JAK1: variants seen among roughly 807,000 people sequenced by gnomAD.
The protein encoded by JAK1 is Janus kinase 1.
JAK1 carries 16 observed loss-of-function variants against 136.6 expected under a neutral mutation model. That is an observed-to-expected ratio of 0.12 (90% CI 0.08 to 0.18). The LOEUF is 0.18. Ranked by LOEUF, JAK1 falls within the 10% of genes least tolerant of loss-of-function variation. JAK1 has a pLI of 1.00. For missense variants in JAK1, 859 were observed against 1,450.1 expected (o/e 0.59, Z 6.62); for synonymous variants, 492 against 519.5 (o/e 0.95, Z 0.72).
rs200605352 is a variant in JAK1, at chr1:64,988,978, GTA to G, written c.-78+55500_-78+55501del. 1.4e-3 allele frequency among the ~76,000 whole-genome samples: 149 copies of G among 108,916 alleles called. 1 individual carries two copies. In the East Asian group the frequency reaches 0.014, roughly 10 times the overall value. 71.5% of individuals were successfully genotyped at this position (108,916 alleles called of 152,430 possible). A position where few individuals can be genotyped will look rare whatever the true frequency, so the allele number is the denominator to read the frequency against. ...TATATGTATGTATGTATATATATAT[GTA>G]TATGTGTGTGTGTGTGTGTGTGTAT... is the stretch of plus-strand genomic sequence containing the variant. On this transcript the variant is annotated intron_variant, in intron 2 of 25. Coordinates refer to the JAK1 transcript ENST00000671954.
At chr1:64,993,704 G>GGT (rs1292487154) in intron 2 of JAK1, 32 of 152,200 alleles carry the variant, frequency 2.1e-4, no homozygotes, top group African/African-American at 7.7e-4. Context: ...AAAGTACAGT[G>GGT]GTGTGATCTT....
chr1:64,906,096 A>G (rs58780636), intron 1 of JAK1, among the ~76,000 whole-genome samples: 2,204 of 152,292 alleles, frequency 0.014, 49 homozygotes, highest in African/African-American at 0.051. Flanking sequence ...GGAGTTCAAG[A>G]TCAGCCTGAC....
chr1:64,986,054 G>A, intron 2 of JAK1: 1 of 1,287,822 alleles, frequency 7.8e-7, no homozygotes, highest in Non-Finnish European at 1.1e-6. Flanking sequence ...CAATTGTGAT[G>A]GCGAAGATCA....
chr1:64,949,168 TTTGCATTA>T (rs1170754295), intron 1 of JAK1, among the ~76,000 whole-genome samples: 3 of 152,158 alleles, frequency 2.0e-5, no homozygotes, highest in African/African-American at 7.2e-5. Flanking sequence ...TGTGTTCAGA[TTTGCATTA>T]TAGAATTGTT....
intron 1 of JAK1, among the ~76,000 whole-genome samples, chr1:64,901,734 A>G (rs1645108112): frequency 6.6e-6 from 1 of 152,222 alleles, no homozygotes; most frequent in Admixed American, 6.5e-5. Context: ...GAGTGCAACC[A>G]TCATCACTAT....
chr1:64,975,853 G>A (rs1044727164), intron 2 of JAK1, among the ~76,000 whole-genome samples: 2 of 152,176 alleles, frequency 1.3e-5, no homozygotes, highest in African/African-American at 4.8e-5. Context: ...GGGCTGATGA[G>A]GATGGATTCC....
chr1:65,045,162 AGCT>A (rs1468133449), intron 1 of JAK1, among the ~76,000 whole-genome samples: 1 of 152,234 alleles, frequency 6.6e-6, no homozygotes, highest in Non-Finnish European at 1.5e-5. Context: ...TGGGTCATAC[AGCT>A]GGGGAGGAAG....
At chr1:64,837,794 A>C in intron 22 of JAK1, 138 bp downstream of exon 22, 2 of 617,202 alleles carry the variant, frequency 3.2e-6, no homozygotes, top group Non-Finnish European at 5.3e-6. Flanking sequence ...ATATCAATCA[A>C]TTCCAAATGT....
At chr1:64,873,257 C>A (rs529833109) in intron 5 of JAK1, 113 bp downstream of exon 5, 4 of 1,239,492 alleles carry the variant, frequency 3.2e-6, no homozygotes, top group Admixed American at 1.9e-5. Flanking sequence ...TTACCCAGAA[C>A]AGGCCTTAAA....
At position 65,038,128 on chromosome 1, in the gene JAK1, C is replaced by A. The variant is rs527506644; in HGVS notation, c.-78+6352G>T. Among the ~76,000 whole-genome samples, 74 of 152,136 alleles carry A rather than the reference C, an allele frequency of 4.9e-4. 2 individuals are homozygous for A. The highest frequency in any genetic ancestry group is 6.9e-3 in the Middle Eastern group (2 of 290). ...CAACCTGTGCAACAGGGCACTGTGTCCAGAAGGGCCCCAAGCTTGGTTTAA... is the reference window on the plus strand; with the variant it reads ...CAACCTGTGCAACAGGGCACTGTGTACAGAAGGGCCCCAAGCTTGGTTTAA... On this transcript the variant is annotated intron_variant, in intron 2 of 25. Transcript: ENST00000671954.
In JAK1 at chr1:64,931,741, A is replaced by T. The variant is rs1479943622; in HGVS notation, c.-78+34592T>A. Among the ~76,000 whole-genome samples, 3 of 152,160 alleles carry T rather than the reference A, an allele frequency of 2.0e-5. No individual in the cohort carries two copies. The East Asian group carries it at 5.8e-4, about 29-fold the overall frequency. On this transcript the variant is annotated intron_variant, in intron 1 of 24. Coordinates refer to ENST00000342505, the MANE Select transcript of JAK1 (RefSeq NM_002227.4). ...AATGGTAAATTGTTACAAAATTACA[A>T]ACTATCGGGAGGCACTCTGGTAAGG... is the stretch of plus-strand genomic sequence containing the variant.
At chr1:64,911,085 G>GA (rs11406658) in intron 1 of JAK1, among the ~76,000 whole-genome samples, 123,068 of 147,666 alleles carry the variant, frequency 0.83, 51,543 homozygotes, top group East Asian at 1. Context: ...ATTCAGGAGT[G>GA]AAAAAAAAAA....
intron 3 of JAK1, among the ~76,000 whole-genome samples, chr1:64,881,357 C>T (rs1025283819): frequency 1.4e-4 from 21 of 151,368 alleles, no homozygotes; most frequent in African/African-American, 4.6e-4. Flanking sequence ...ATCTTGCAGA[C>T]AAAGAATCTG....
intron 19 of JAK1, among the ~76,000 whole-genome samples, chr1:64,841,007 T>G (rs1654860913): frequency 6.6e-6 from 1 of 152,156 alleles, no homozygotes; most frequent in Non-Finnish European, 1.5e-5. Context: ...CAGAGTCCCG[T>G]GTGCATACAC....
intron 22 of JAK1, among the ~76,000 whole-genome samples, chr1:64,836,604 T>G (rs958885100): frequency 6.6e-6 from 1 of 152,094 alleles, no homozygotes; most frequent in Non-Finnish European, 1.5e-5. Flanking sequence ...CCAATCCTCT[T>G]CCAGCATTGC....
intron 1 of JAK1, among the ~76,000 whole-genome samples, chr1:65,058,210 T>C (rs1014604713): frequency 3.3e-5 from 5 of 152,148 alleles, no homozygotes; most frequent in Non-Finnish European, 7.3e-5. Flanking sequence ...GTTCCAAAGA[T>C]CTTAATATAT....
intron 1 of JAK1, among the ~76,000 whole-genome samples, chr1:64,925,168 G>A (rs541228339): frequency 2.0e-5 from 3 of 151,826 alleles, no homozygotes; most frequent in South Asian, 2.1e-4. Flanking sequence ...AGGCTGAGGC[G>A]GGCGGATCAC....
intron 2 of JAK1, among the ~76,000 whole-genome samples, chr1:65,014,981 G>C (rs992701236): frequency 2.0e-5 from 3 of 152,012 alleles, no homozygotes; most frequent in African/African-American, 7.2e-5. Context: ...CACCGCGCCC[G>C]GCCCATATTA....
At position 64,860,146 on chromosome 1, in the gene JAK1, C is replaced by G. The variant is rs2101072525; in HGVS notation, c.1293G>C (p.Leu431Phe). ...AGCCATTCTGTATGTTGTGGACGAT[C>G]AACGGGGGGGCCACGTCGGTGCAGA... Reference protein sequence around the residue: ...HYLCTDVAPPLIVHNIQNGCH... With the variant: ...HYLCTDVAPPFIVHNIQNGCH... The change falls in exon 9 of 25, where the codon TTG (leucine) becomes TTC (phenylalanine). Residue 431 changes from leucine to phenylalanine, a missense_variant. This residue lies in a region of JAK1 where 409 missense variants were observed against 753.8 expected (regional missense o/e 0.54). Coordinates refer to ENST00000342505, the MANE Select transcript of JAK1 (RefSeq NM_002227.4). 6.2e-7 allele frequency: 1 copy of G among 1,600,580 alleles called. No individual in the cohort carries two copies. The highest frequency in any genetic ancestry group is 8.5e-7 in the Non-Finnish European group (1 of 1,170,940).
Sources: allele counts gnomAD v4.1 joint callset (sites outside exome capture counted in the v4.1 genomes callset), GRCh38; gene constraint gnomAD v4.1.1; regional missense constraint gnomAD v4.1.1; transcripts MANE v1.5; gene names NCBI Gene and HGNC (gene_info 2026-07-23, HGNC 2026-07-21).